EIF4EBP1: variants seen among roughly 807,000 people sequenced by gnomAD.
EIF4EBP1 encodes eukaryotic translation initiation factor 4E-binding protein 1.
A neutral mutation model predicts 9.2 loss-of-function variants in EIF4EBP1; 5 were observed. The observed-to-expected ratio is 0.54, with a 90% CI of 0.28 to 1.14. The LOEUF is 1.14. Among genes scored for constraint, EIF4EBP1 ranks in the 50% most tolerant of loss-of-function variants. The pLI is 0.09. For missense variants in EIF4EBP1, 139 were observed against 169.6 expected (o/e 0.82, Z 1.00); for synonymous variants, 62 against 67.0 (o/e 0.93, Z 0.36).
chr8:38,038,489 CAG>C (rs1355721600), intron 1 of EIF4EBP1, among the ~76,000 whole-genome samples: 3 of 116,660 alleles, frequency 2.6e-5, no homozygotes, highest in Non-Finnish European at 5.1e-5. Context: ...GCCTGGGAGA[CAG>C]AGCAAGACTC....
chr8:38,057,692 G>C (rs1809617686), intron 2 of EIF4EBP1, among the ~76,000 whole-genome samples: 1 of 152,204 alleles, frequency 6.6e-6, no homozygotes, highest in African/African-American at 2.4e-5. Context: ...ATGTCTACAA[G>C]ATAAGAAATA....
intron 1 of EIF4EBP1, among the ~76,000 whole-genome samples, chr8:38,034,020 A>G (rs1001927247): frequency 2.0e-5 from 3 of 152,060 alleles, no homozygotes; most frequent in African/African-American, 7.2e-5. Flanking sequence ...TACTGGGATT[A>G]CAGGCGTGAG....
At position 38,030,731 on chromosome 8, in the gene EIF4EBP1, T is replaced by G; in HGVS notation, c.145+13T>G. The G allele has an allele frequency of 7.2e-7, 1 of 1,382,176 alleles. No individual in the cohort carries two copies. Among genetic ancestry groups the G allele is most frequent in the Non-Finnish European group, 9.3e-7 (1 of 1,074,186 alleles). 85.6% of individuals were successfully genotyped at this position (1,382,176 alleles called of 1,614,324 possible). ...ACCACCCCGGGAGGTAGGCGCGGGC[T>G]TGGCGACGCCGCTTGCCGGCTCCTG... On this transcript the variant is annotated intron_variant, in intron 1 of 2. Coordinates refer to ENST00000338825, the MANE Select transcript of EIF4EBP1 (RefSeq NM_004095.4).
At chr8:38,050,123 G>A (rs1168763219) in intron 1 of EIF4EBP1, among the ~76,000 whole-genome samples, 10 of 151,936 alleles carry the variant, frequency 6.6e-5, no homozygotes, top group Non-Finnish European at 1.5e-4. Context: ...TGTTGGCCAG[G>A]CTGGTCTTGA....
chr8:38,045,432 A>C lies in EIF4EBP1; in HGVS notation c.146-11649A>C, dbSNP rs906448110. ...AACTAGAACCTAAGGGAATGTCTCT[A>C]TGGCTTTATTTATTGTAATCCCAGA... On this transcript the variant is annotated intron_variant, in intron 1 of 2. Transcript: ENST00000338825. Among the ~76,000 whole-genome samples the C allele has an allele frequency of 2.6e-5, 4 of 151,918 alleles. No individual in the cohort carries two copies. In the East Asian group the frequency reaches 7.7e-4, roughly 29 times the overall value.
At chr8:38,043,993 C>T (rs571834727) in intron 1 of EIF4EBP1, among the ~76,000 whole-genome samples, 4 of 152,164 alleles carry the variant, frequency 2.6e-5, no homozygotes, top group South Asian at 2.1e-4. Flanking sequence ...GGCATGTCGG[C>T]GTATTTACCT....
chr8:38,037,140 A>C (rs966375220), intron 1 of EIF4EBP1, among the ~76,000 whole-genome samples: 1 of 152,096 alleles, frequency 6.6e-6, no homozygotes, highest in Non-Finnish European at 1.5e-5. Flanking sequence ...CGAATGAATC[A>C]CACGTTTTTG....
At chr8:38,042,347 C>T (rs1809393721) in intron 1 of EIF4EBP1, among the ~76,000 whole-genome samples, 1 of 152,120 alleles carries the variant, frequency 6.6e-6, no homozygotes, top group South Asian at 2.1e-4. Flanking sequence ...AGGTCTCTTG[C>T]CTTAAGGAGC....
intron 1 of EIF4EBP1, among the ~76,000 whole-genome samples, chr8:38,046,715 C>A (rs1809453652): frequency 6.6e-6 from 1 of 152,204 alleles, no homozygotes; most frequent in South Asian, 2.1e-4. Context: ...CGTCGCCAAT[C>A]TGGAGAAGCA....
intron 1 of EIF4EBP1, among the ~76,000 whole-genome samples, chr8:38,050,231 A>G (rs1258888060): frequency 6.6e-6 from 1 of 151,662 alleles, no homozygotes; most frequent in East Asian, 1.9e-4. Context: ...TTTCTTTAAG[A>G]TTTTCTGCTT....
chr8:38,044,748 T>C (rs1266121637), intron 1 of EIF4EBP1, among the ~76,000 whole-genome samples: 1 of 152,180 alleles, frequency 6.6e-6, no homozygotes, highest in African/African-American at 2.4e-5. Context: ...TTTTAAACAG[T>C]AGGAGGCATT....
At chr8:38,046,918 T>C (rs1286558257) in intron 1 of EIF4EBP1, among the ~76,000 whole-genome samples, 3 of 152,052 alleles carry the variant, frequency 2.0e-5, no homozygotes, top group African/African-American at 7.2e-5. Context: ...ACACAAATGG[T>C]TTGAGGTGTA....
At chr8:38,057,406 TGA>T in intron 2 of EIF4EBP1, 146 bp downstream of exon 2, 1 of 1,020,604 alleles carries the variant, frequency 9.8e-7, no homozygotes, top group East Asian at 2.7e-5. Context: ...GCCCAGAGGG[TGA>T]GAGTAGGGGT....
At position 38,042,258 on chromosome 8, in the gene EIF4EBP1, C is replaced by A. The variant is rs139670687; in HGVS notation, c.145+11540C>A. On this transcript the variant is annotated intron_variant, in intron 1 of 2. Transcript: ENST00000338825. ...ACTCATGTGTCTGTGCCCAGCAGTACAAAACCAGGCAGGAATGAGAATAGC... is the reference window on the plus strand; with the variant it reads ...ACTCATGTGTCTGTGCCCAGCAGTAAAAAACCAGGCAGGAATGAGAATAGC... Among the ~76,000 whole-genome samples, 13 of 152,270 alleles carry A rather than the reference C, an allele frequency of 8.5e-5. No homozygotes were observed. The East Asian group carries it at 2.5e-3, about 29-fold the overall frequency.
intron 1 of EIF4EBP1, among the ~76,000 whole-genome samples, chr8:38,041,546 G>A (rs1228401870): frequency 6.6e-6 from 1 of 152,236 alleles, no homozygotes; most frequent in East Asian, 1.9e-4. Context: ...CTGTCCTGAT[G>A]TGTGGCCAGC....
intron 1 of EIF4EBP1, among the ~76,000 whole-genome samples, chr8:38,040,953 C>G (rs1809370168): frequency 6.6e-6 from 1 of 152,086 alleles, no homozygotes; most frequent in Non-Finnish European, 1.5e-5. Flanking sequence ...GCATGCACCA[C>G]CATGCCCAGC....
rs988043932 is a variant in EIF4EBP1 at position 38,060,205 on chromosome 8, G to A, written c.*270G>A. 56 of 560,982 alleles carry A rather than the reference G, an allele frequency of 1.0e-4. No individual in the cohort carries two copies. The highest frequency in any genetic ancestry group is 4.1e-4 in the Admixed American group (13 of 32,070). The allele number at this position is 560,982 out of a possible 1,614,324, so 34.8% of individuals were successfully genotyped here. On this transcript the variant is annotated 3_prime_UTR_variant, in exon 3 of 3. Coordinates refer to ENST00000338825, the MANE Select transcript of EIF4EBP1 (RefSeq NM_004095.4). ...ACACCCTGCAGCCAAGGGCCAGGAA[G>A]TGGACAAGAACGAACCCTTCCTTCC...
chr8:38,048,347 A>G (rs1809473017), intron 1 of EIF4EBP1, among the ~76,000 whole-genome samples: 1 of 152,182 alleles, frequency 6.6e-6, no homozygotes, highest in Non-Finnish European at 1.5e-5. Flanking sequence ...TGAGCCAAGT[A>G]CTATCTATAA....
chr8:38,059,331 C>A (rs1809637544), intron 2 of EIF4EBP1, among the ~76,000 whole-genome samples: 1 of 152,144 alleles, frequency 6.6e-6, no homozygotes, highest in Non-Finnish European at 1.5e-5. Context: ...GCTCCTGCTT[C>A]CTCCATGTGA....
Sources: gnomAD v4.1 joint callset for allele counts (sites outside exome capture counted in the v4.1 genomes callset) on GRCh38, gnomAD v4.1.1 for gene constraint, MANE v1.5 for transcripts, NCBI Gene and HGNC (gene_info 2026-07-23, HGNC 2026-07-21) for gene names.